The following COQ8A variants were observed in gnomAD, a reference collection of about 807,000 sequenced individuals.
COQ8A encodes the protein atypical kinase COQ8A, mitochondrial.
In COQ8A, 51 loss-of-function variants were observed where a neutral mutation model predicts 65.0. The observed-to-expected ratio is 0.78, with a 90% CI of 0.63 to 0.99. The LOEUF (loss-of-function observed/expected upper bound fraction) is 0.99. COQ8A is among the 50% of genes least tolerant of loss of function. COQ8A has a pLI of 0.00. For missense variants in COQ8A, 940 were observed against 875.0 expected (o/e 1.07, Z -0.94); for synonymous variants, 371 against 353.2 (o/e 1.05, Z -0.57).
chr1:226,958,212 A>G (rs1349307981), intron 1 of COQ8A: 2 of 152,234 alleles, frequency 1.3e-5, no homozygotes, highest in African/African-American at 4.8e-5. Flanking sequence ...TATAGCCAAA[A>G]ATAACCGTCA....
At chr1:226,970,136 G>T (rs555561787) in intron 4 of COQ8A, among the ~76,000 whole-genome samples, 8 of 152,218 alleles carry the variant, frequency 5.3e-5, no homozygotes, top group African/African-American at 1.9e-4. Flanking sequence ...TAGTTTTAGC[G>T]GAGACAGGGT....
intron 1 of COQ8A, among the ~76,000 whole-genome samples, chr1:226,953,155 G>A (rs540400903): frequency 1.5e-3 from 221 of 152,060 alleles, no homozygotes; most frequent in African/African-American, 4.6e-3. Context: ...TCAGCCTCCC[G>A]AGTAGCTGGG....
At chr1:226,947,667 G>C (rs902461714) in intron 1 of COQ8A, among the ~76,000 whole-genome samples, 2 of 152,060 alleles carry the variant, frequency 1.3e-5, no homozygotes, top group Non-Finnish European at 2.9e-5. Flanking sequence ...AAATTAGCCA[G>C]GTGTGGTGGT....
intron 1 of COQ8A, among the ~76,000 whole-genome samples, chr1:226,956,085 C>T (rs1657725171): frequency 6.9e-6 from 1 of 144,962 alleles, no homozygotes; most frequent in Non-Finnish European, 1.5e-5. Flanking sequence ...TTCCCACTCT[C>T]CCTGGTTCAC....
chr1:226,965,511 G>A (rs1294698930), intron 3 of COQ8A, 101 bp downstream of exon 3: 2 of 1,539,178 alleles, frequency 1.3e-6, no homozygotes, highest in African/African-American at 2.7e-5. Flanking sequence ...CTGTGGTCTG[G>A]GGTTTTTAGG....
In COQ8A at chr1:226,965,721, G is replaced by T. The variant is rs1014575164; in HGVS notation, c.639G>T (p.Arg213=). ...AGGTGCCTGTGACGAGGATTGGCCGGCTGGCCAACTTCGGAGGTAAGGTGG... is the reference window on the plus strand; with the variant it reads ...AGGTGCCTGTGACGAGGATTGGCCGTCTGGCCAACTTCGGAGGTAAGGTGG... ...ERKVPVTRIG[R]LANFGGLAVG... Residue 213 remains arginine (R), a synonymous_variant, in exon 4 of 15, where the codon CGG becomes CGT. Transcript: ENST00000366777. 1 of 1,613,712 alleles carries T rather than the reference G, an allele frequency of 6.2e-7. No homozygotes were observed. The highest frequency in any genetic ancestry group is 8.5e-7 in the Non-Finnish European group (1 of 1,180,032).
chr1:226,965,433 G>A, intron 3 of COQ8A, 23 bp downstream of exon 3: 1 of 1,600,878 alleles, frequency 6.2e-7, no homozygotes, highest in South Asian at 1.1e-5. Flanking sequence ...GGCCCCTGGA[G>A]GGCCGAGGTA....
At chr1:226,974,683 G>T (rs1189826335) in intron 4 of COQ8A, among the ~76,000 whole-genome samples, 1 of 152,204 alleles carries the variant, frequency 6.6e-6, no homozygotes, top group African/African-American at 2.4e-5. Flanking sequence ...CAAGGTCAGG[G>T]TTGCTGGCCA....
chr1:226,953,776 A>T (rs1346754924), intron 1 of COQ8A, among the ~76,000 whole-genome samples: 2 of 152,202 alleles, frequency 1.3e-5, no homozygotes, highest in Non-Finnish European at 2.9e-5. Context: ...CTCGCGAGAT[A>T]GAAGCCGGGA....
chr1:226,965,457 G>A (rs766940904), intron 3 of COQ8A, 47 bp downstream of exon 3: 18 of 1,588,026 alleles, frequency 1.1e-5, no homozygotes, highest in Non-Finnish European at 1.5e-5. Flanking sequence ...GCCACCCACA[G>A]CAGTGATGGC....
intron 1 of COQ8A, among the ~76,000 whole-genome samples, chr1:226,942,282 A>C (rs893331503): frequency 2.6e-5 from 4 of 152,012 alleles, no homozygotes; most frequent in Admixed American, 2.0e-4. Flanking sequence ...GCCCTAACCC[A>C]GTGGTAAAAG....
At chr1:226,947,135 A>G (rs984411163) in intron 1 of COQ8A, among the ~76,000 whole-genome samples, 6 of 152,212 alleles carry the variant, frequency 3.9e-5, no homozygotes, top group Admixed American at 2.0e-4. Context: ...ACATTTCAGG[A>G]TGTAAACCTT....
At chr1:226,965,579 G>C in intron 3 of COQ8A, 92 bp from the exon 4 acceptor site, 3 of 1,525,186 alleles carry the variant, frequency 2.0e-6, no homozygotes, top group Non-Finnish European at 2.7e-6. Flanking sequence ...TGACTGTGGG[G>C]TGGAGAGGAG....
chr1:226,985,494 G>A (rs1445285797), intron 14 of COQ8A, among the ~76,000 whole-genome samples, 154 bp downstream of exon 14: 1 of 152,208 alleles, frequency 6.6e-6, no homozygotes, highest in Non-Finnish European at 1.5e-5. Flanking sequence ...GCCCACCCCG[G>A]CCCATGCTGC....
chr1:226,960,482 T>C (rs199661228), intron 1 of COQ8A, among the ~76,000 whole-genome samples: 1,081 of 24,194 alleles, frequency 0.045, no homozygotes, highest in Middle Eastern at 0.1. Context: ...GTGGCAGTGG[T>C]ACTTGGTGGT....
At chr1:226,948,514 C>T (rs568748974) in intron 1 of COQ8A, among the ~76,000 whole-genome samples, 22 of 152,326 alleles carry the variant, frequency 1.4e-4, no homozygotes, top group African/African-American at 5.1e-4. Flanking sequence ...CTACCACAGC[C>T]ACCCACAGTA....
intron 5 of COQ8A, among the ~76,000 whole-genome samples, chr1:226,977,983 AC>A (rs1659354261): frequency 1.6e-5 from 2 of 125,912 alleles, no homozygotes; most frequent in African/African-American, 6.3e-5. Context: ...CCCACTGAAC[AC>A]CCACACACCT....
chr1:226,962,391 A>G (rs1171401964), intron 2 of COQ8A, among the ~76,000 whole-genome samples: 3 of 152,180 alleles, frequency 2.0e-5, no homozygotes, highest in African/African-American at 7.2e-5. Flanking sequence ...TGTGCTGGAG[A>G]GGTGACTATA....
At chr1:226,983,996 G>T in intron 10 of COQ8A, 98 bp from the exon 11 acceptor site, 1 of 1,559,142 alleles carries the variant, frequency 6.4e-7, no homozygotes. Context: ...TCCTGCCTGG[G>T]GTGAAGGAGG....
Sources: allele counts gnomAD v4.1 joint callset (sites outside exome capture counted in the v4.1 genomes callset), GRCh38; gene constraint gnomAD v4.1.1; transcripts MANE v1.5; gene names NCBI Gene and HGNC (gene_info 2026-07-23, HGNC 2026-07-21).